The following USP34 variants were observed in gnomAD, a reference collection of about 807,000 sequenced individuals.
The protein encoded by USP34 is ubiquitin specific peptidase 34, also known as ubiquitin carboxyl-terminal hydrolase 34.
Under a neutral mutation model 460.3 loss-of-function variants are expected in USP34, and 70 were observed. The ratio of observed to expected loss-of-function variants is 0.15; its 90% CI spans 0.13 to 0.19. The LOEUF (loss-of-function observed/expected upper bound fraction) is 0.19. Ranked by LOEUF, USP34 falls within the 10% of genes least tolerant of loss-of-function variation. The pLI, the probability that USP34 is intolerant of heterozygous loss-of-function variation, is 1.00. For synonymous variants in USP34, 1,647 were observed against 1,405.3 expected (o/e 1.17, Z -3.85); for missense variants, 3,985 against 4,236.2 (o/e 0.94, Z 1.65).
chr2:61,466,869 A>G (rs1475576671), intron 1 of USP34, among the ~76,000 whole-genome samples: 3 of 151,522 alleles, frequency 2.0e-5, no homozygotes, highest in Non-Finnish European at 4.4e-5. Flanking sequence ...CCGACACTGC[A>G]TTCCAGCCTG....
At chr2:61,308,856 C>T (rs754503441) in intron 27 of USP34, among the ~76,000 whole-genome samples, 1 of 152,098 alleles carries the variant, frequency 6.6e-6, no homozygotes, top group Non-Finnish European at 1.5e-5. Flanking sequence ...GCCTAGGCAA[C>T]ATGGTGAAAC....
At chr2:61,436,787 A>G (rs78045433) in intron 1 of USP34, among the ~76,000 whole-genome samples, 2,264 of 152,344 alleles carry the variant, frequency 0.015, 18 homozygotes, top group Non-Finnish European at 0.024. Context: ...ATATTTTAGG[A>G]CATAAAACAA....
chr2:61,279,044 T>C (rs1689457688), intron 39 of USP34, among the ~76,000 whole-genome samples: 1 of 151,058 alleles, frequency 6.6e-6, no homozygotes, highest in Admixed American at 6.6e-5. Context: ...AAAATTACTT[T>C]ACAAGCAAGC....
At chr2:61,452,490 A>G (rs1695313815) in intron 1 of USP34, among the ~76,000 whole-genome samples, 1 of 151,510 alleles carries the variant, frequency 6.6e-6, no homozygotes, top group Non-Finnish European at 1.5e-5. Flanking sequence ...ACACCCTACT[A>G]ATTTTTGTAT....
At chr2:61,370,453 C>A in intron 9 of USP34, 40 bp from the exon 10 acceptor site, 1 of 1,612,884 alleles carries the variant, frequency 6.2e-7, no homozygotes, top group Non-Finnish European at 8.5e-7. Context: ...TAAAAATATT[C>A]TTCTCTATCA....
At chr2:61,371,467 A>G (rs1036450515) in intron 8 of USP34, among the ~76,000 whole-genome samples, 3 of 151,978 alleles carry the variant, frequency 2.0e-5, no homozygotes, top group Non-Finnish European at 4.4e-5. Flanking sequence ...AGGAAAGAAA[A>G]CAGCTCACAG....
chr2:61,391,585 G>A (rs948621298), intron 5 of USP34, among the ~76,000 whole-genome samples: 1 of 152,000 alleles, frequency 6.6e-6, no homozygotes, highest in African/African-American at 2.4e-5. Context: ...ACTCATTCCT[G>A]TGAAATTCAG....
intron 60 of USP34, 27 bp from the exon 61 acceptor site, chr2:61,228,746 A>G: frequency 6.3e-7 from 1 of 1,590,576 alleles, no homozygotes; most frequent in Non-Finnish European, 8.5e-7. Flanking sequence ...ACAAAATTTA[A>G]AAATATAAAA....
Position 61,208,940 on chromosome 2 carries a change from G to T in USP34, c.8878C>A (p.Leu2960Ile). The T allele has an allele frequency of 6.3e-7, 1 of 1,596,168 alleles. No homozygotes were observed. Among genetic ancestry groups the T allele is most frequent in the South Asian group, 1.2e-5 (1 of 86,538 alleles). ...RILLESDEDR[L>I]LVVFNRGLIL... is the part of the protein sequence containing the mutation. ...AATCCTCGATTAAATACAACAAGAA[G>T]TCTGTCTTCATCAGATTCTAATAGT... The change falls in exon 70 of 80, where the codon CTT becomes ATT. Residue 2960 changes from leucine (L) to isoleucine (I), a missense_variant. This residue lies in a region of USP34 where 275 missense variants were observed against 292.7 expected (regional missense o/e 0.94). Coordinates refer to ENST00000398571, the MANE Select transcript of USP34 (RefSeq NM_014709.4).
chr2:61,277,774 T>C (rs1024624996), intron 41 of USP34: 4 of 164,868 alleles, frequency 2.4e-5, no homozygotes, highest in African/African-American at 9.6e-5. Flanking sequence ...TTGCCTATAA[T>C]TCCCATTGTT....
intron 29 of USP34, among the ~76,000 whole-genome samples, chr2:61,297,805 C>T (rs1396206422): frequency 3.9e-5 from 6 of 151,972 alleles, no homozygotes; most frequent in African/African-American, 1.2e-4. Flanking sequence ...TGCAATGGCA[C>T]GATCTCAGCT....
At chr2:61,338,273 A>T (rs570722705) in intron 18 of USP34, among the ~76,000 whole-genome samples, 1 of 152,330 alleles carries the variant, frequency 6.6e-6, no homozygotes, top group African/African-American at 2.4e-5. Context: ...GTAAGCCAAG[A>T]TCACACGACT....
chr2:61,435,885 G>A (rs6741094), intron 1 of USP34, among the ~76,000 whole-genome samples: 2,723 of 152,026 alleles, frequency 0.018, 102 homozygotes, highest in African/African-American at 0.062. Flanking sequence ...AAAATGAGCC[G>A]GGCATGGTGG....
chr2:61,333,817 C>A (rs571425661), intron 19 of USP34, 65 bp downstream of exon 19: 243 of 1,141,946 alleles, frequency 2.1e-4, no homozygotes, highest in Non-Finnish European at 2.8e-4. Flanking sequence ...TTAGTCAAAA[C>A]CTTTAGATAA....
intron 20 of USP34, among the ~76,000 whole-genome samples, chr2:61,330,930 AT>A (rs1180277761): frequency 6.6e-6 from 1 of 152,166 alleles, no homozygotes; most frequent in Non-Finnish European, 1.5e-5. Context: ...ATATTTACAA[AT>A]TTTAGAATCA....
At chr2:61,286,845 C>A (rs148342140) in intron 34 of USP34, among the ~76,000 whole-genome samples, 1 of 151,942 alleles carries the variant, frequency 6.6e-6, no homozygotes, top group African/African-American at 2.4e-5. Context: ...CATAAACGTG[C>A]GTATTTTACA....
At chr2:61,369,938 T>C (rs1692564995) in intron 10 of USP34, among the ~76,000 whole-genome samples, 1 of 150,796 alleles carries the variant, frequency 6.6e-6, no homozygotes, top group Non-Finnish European at 1.5e-5. Flanking sequence ...ATATATTTTT[T>C]ATATTTACTT....
chr2:61,435,453 C>T (rs968854125), intron 1 of USP34, among the ~76,000 whole-genome samples: 1 of 149,894 alleles, frequency 6.7e-6, no homozygotes, highest in South Asian at 2.1e-4. Context: ...AGTTAAAGTA[C>T]TAAAAAAAAA....
At chr2:61,439,830 G>C (rs567698122) in intron 1 of USP34, among the ~76,000 whole-genome samples, 3 of 152,328 alleles carry the variant, frequency 2.0e-5, no homozygotes, top group Admixed American at 6.5e-5. Flanking sequence ...ACACAGCTGG[G>C]TGGAGACCTC....
Sources: allele counts gnomAD v4.1 joint callset (sites outside exome capture counted in the v4.1 genomes callset), GRCh38; gene constraint gnomAD v4.1.1; regional missense constraint gnomAD v4.1.1; transcripts MANE v1.5; gene names NCBI Gene and HGNC (gene_info 2026-07-23, HGNC 2026-07-21).